C6orf118: variants seen among roughly 807,000 people sequenced by gnomAD.
The protein encoded by C6orf118 is chromosome 6 open reading frame 118.
C6orf118 carries 50 observed loss-of-function variants against 50.2 expected under a neutral mutation model. The observed-to-expected ratio is 1.00, with a 90% confidence interval of 0.79 to 1.26. C6orf118 has a LOEUF of 1.26. C6orf118 is among the 50% of genes most tolerant of loss of function. The pLI is 0.00. For missense variants in C6orf118, 641 were observed against 578.7 expected (o/e 1.11, Z -1.10); for synonymous variants, 239 against 230.9 (o/e 1.03, Z -0.32).
intron 1 of C6orf118, 144 bp downstream of exon 1, chr6:165,309,418 C>G (rs1411970221): frequency 3.2e-6 from 3 of 950,526 alleles, no homozygotes; most frequent in Non-Finnish European, 4.9e-6. Context: ...CAATCCAGTC[C>G]TCAGCCCTAG....
At chr6:165,302,460 C>A (rs1403117726) in intron 1 of C6orf118, among the ~76,000 whole-genome samples, 164 bp from the exon 2 acceptor site, 2 of 152,154 alleles carry the variant, frequency 1.3e-5, no homozygotes, top group African/African-American at 2.4e-5. Flanking sequence ...GGCACCCGTG[C>A]CCGGCCCAGT....
intron 4 of C6orf118, among the ~76,000 whole-genome samples, chr6:165,298,648 T>A (rs897760842): frequency 6.6e-6 from 1 of 152,204 alleles, no homozygotes; most frequent in African/African-American, 2.4e-5. Flanking sequence ...ATGCCACTTA[T>A]GACTCAATCT....
chr6:165,289,213 G>T (rs185968528), intron 7 of C6orf118, among the ~76,000 whole-genome samples: 5 of 150,896 alleles, frequency 3.3e-5, no homozygotes, highest in Non-Finnish European at 1.5e-5. Context: ...AAGAACATCC[G>T]AACATATGAT....
chr6:165,291,894 T>C (rs1433164748), intron 6 of C6orf118, among the ~76,000 whole-genome samples: 1 of 152,150 alleles, frequency 6.6e-6, no homozygotes, highest in Non-Finnish European at 1.5e-5. Context: ...GTTAGAAATA[T>C]TAATAACCCT....
At chr6:165,293,312 G>T in intron 6 of C6orf118, 101 bp downstream of exon 6, 1 of 1,042,244 alleles carries the variant, frequency 9.6e-7, no homozygotes, top group Non-Finnish European at 1.5e-6. Flanking sequence ...GGGAGCATCA[G>T]CATCTTCCAA....
Position 165,301,858 on chromosome 6 carries a change from C to T in C6orf118, c.464G>A (p.Gly155Glu), listed in dbSNP as rs1780557245. 6.2e-7 allele frequency: 1 copy of T among 1,613,830 alleles called. No homozygotes were observed. Among genetic ancestry groups the T allele is most frequent in the Non-Finnish European group, 8.5e-7 (1 of 1,180,002 alleles). Residue 155 changes from glycine (G) to glutamate (E), a missense_variant, in exon 2 of 9, where the codon GGG becomes GAG. By Grantham distance (98) the Gly-to-Glu change is moderately conservative (BLOSUM62 -2). Transcript: ENST00000230301. ...DFLPVEAVRE[G>E]KEEKKGGPPG... ...AGGGCCTCCTTTCTTTTCTTCCTTCCCCTCTCTGACAGCCTCCACTGGAAG... is the reference window on the plus strand; with the variant it reads ...AGGGCCTCCTTTCTTTTCTTCCTTCTCCTCTCTGACAGCCTCCACTGGAAG...
At chr6:165,281,279 T>C (rs991835884) in intron 8 of C6orf118, among the ~76,000 whole-genome samples, 1 of 152,232 alleles carries the variant, frequency 6.6e-6, no homozygotes, top group Non-Finnish European at 1.5e-5. Context: ...TATATATGAC[T>C]AAATAAAGTG....
intron 3 of C6orf118, 130 bp downstream of exon 3, chr6:165,300,234 G>A: frequency 9.2e-7 from 1 of 1,086,236 alleles, no homozygotes; most frequent in Non-Finnish European, 1.3e-6. Context: ...GTCTCTGGGA[G>A]TGATGGTCCC....
intron 7 of C6orf118, among the ~76,000 whole-genome samples, chr6:165,287,730 T>C (rs1357266692): frequency 1.3e-5 from 2 of 152,150 alleles, no homozygotes; most frequent in Non-Finnish European, 2.9e-5. Flanking sequence ...TGGCTAGCCA[T>C]ATGCAGAAAA....
chr6:165,285,185 C>T (rs956747841), intron 7 of C6orf118, among the ~76,000 whole-genome samples: 3 of 152,106 alleles, frequency 2.0e-5, no homozygotes, highest in Non-Finnish European at 4.4e-5. Flanking sequence ...ACAAAACACA[C>T]TTTAAACCAA....
chr6:165,289,779 A>C (rs1051909952), intron 7 of C6orf118, 107 bp downstream of exon 7: 19 of 645,354 alleles, frequency 2.9e-5, no homozygotes, highest in Admixed American at 2.6e-4. Flanking sequence ...ATTTGGGCCA[A>C]ATTTTATGAT....
intron 6 of C6orf118, among the ~76,000 whole-genome samples, chr6:165,290,566 T>C (rs1471173417): frequency 6.6e-6 from 1 of 151,992 alleles, no homozygotes; most frequent in Non-Finnish European, 1.5e-5. Flanking sequence ...AATTTAGACA[T>C]TGAGGGACAA....
rs1453060832 is a variant in C6orf118 at position 165,297,847 on chromosome 6, C to T, written c.1061+130G>A. On this transcript the variant is annotated intron_variant, in intron 5 of 8. Transcript: ENST00000230301. ...CCTGTAGAAATAGCCAGATGACAGGCATGATATTAGCAAAAGTAGCATGTT... is the reference window on the plus strand; with the variant it reads ...CCTGTAGAAATAGCCAGATGACAGGTATGATATTAGCAAAAGTAGCATGTT... 9.0e-6 allele frequency: 12 copies of T among 1,328,740 alleles called. No individual in the cohort carries two copies. In the African/African-American group the frequency reaches 1.7e-4, roughly 19 times the overall value. The allele number at this position is 1,328,740 out of a possible 1,614,324, so 82.3% of individuals were successfully genotyped here.
chr6:165,283,725 C>G (rs1419957053), intron 7 of C6orf118, among the ~76,000 whole-genome samples: 1 of 152,128 alleles, frequency 6.6e-6, no homozygotes, highest in Non-Finnish European at 1.5e-5. Context: ...ACTGCAGCAG[C>G]CCTATGGAAG....
intron 4 of C6orf118, among the ~76,000 whole-genome samples, chr6:165,299,100 C>T (rs367660584): frequency 5.3e-5 from 8 of 152,308 alleles, no homozygotes; most frequent in African/African-American, 1.4e-4. Context: ...TTACAGCACA[C>T]CAGCCATCAC....
At position 165,302,097 on chromosome 6, in the gene C6orf118, C is replaced by T. The variant is rs867806776; in HGVS notation, c.225G>A (p.Thr75=). 4.3e-6 allele frequency: 7 copies of T among 1,613,926 alleles called. No individual in the cohort carries two copies. The Admixed American group carries it at 6.7e-5, about 15-fold the overall frequency. Residue 75 remains threonine (T), a synonymous_variant, in exon 2 of 9, where the codon ACG becomes ACA. Coordinates refer to ENST00000230301, the MANE Select transcript of C6orf118 (RefSeq NM_144980.4). ...NPNKLYQPPE[T]ILQHWPNAHR... is the part of the protein sequence containing the mutation. ...GGGCATTGGGCCAGTGCTGTAAGAT[C>T]GTCTCCGGAGGCTGGTAGAGCTTGT...
At chr6:165,300,080 T>C (rs891337884) in intron 3 of C6orf118, among the ~76,000 whole-genome samples, 3 of 152,310 alleles carry the variant, frequency 2.0e-5, no homozygotes, top group African/African-American at 7.2e-5. Flanking sequence ...ATTAGAATTA[T>C]AATTAAGTTA....
chr6:165,279,911 G>A lies in C6orf118; in HGVS notation c.*146C>T. 1 of 744,512 alleles carries A rather than the reference G, an allele frequency of 1.3e-6. No individual in the cohort carries two copies. The highest frequency in any genetic ancestry group is 2.1e-6 in the Non-Finnish European group (1 of 478,864). The allele number at this position is 744,512 out of a possible 1,614,324, so 46.1% of individuals were successfully genotyped here. A position where few individuals can be genotyped will look rare whatever the true frequency, so the allele number is the denominator to read the frequency against. On this transcript the variant is annotated 3_prime_UTR_variant, in exon 9 of 9. Transcript: ENST00000230301. The stretch of plus-strand genomic sequence containing the variant: ...GTGTGTATTTCAGTATCCTGAGTAG[G>A]ATACATATACCACATTAATTTTACT...
chr6:165,306,425 G>A (rs1375061316), intron 1 of C6orf118, among the ~76,000 whole-genome samples: 1 of 132,510 alleles, frequency 7.5e-6, no homozygotes, highest in Non-Finnish European at 1.6e-5. Flanking sequence ...GTATACATAT[G>A]TAACTAACCT....
Sources: allele counts gnomAD v4.1 joint callset (sites outside exome capture counted in the v4.1 genomes callset), GRCh38; gene constraint gnomAD v4.1.1; transcripts MANE v1.5; gene names NCBI Gene and HGNC (gene_info 2026-07-23, HGNC 2026-07-21).